GALK2: variants seen among roughly 807,000 people sequenced by gnomAD.
GALK2 encodes the protein N-acetylgalactosamine kinase.
A neutral mutation model predicts 52.4 loss-of-function variants in GALK2; 36 were observed. The ratio of observed to expected loss-of-function variants is 0.69; its 90% CI spans 0.53 to 0.91. GALK2 has a LOEUF of 0.91. GALK2 is among the 40% of genes least tolerant of loss of function. The pLI is 0.00. For missense variants in GALK2, 579 were observed against 559.1 expected, an observed-to-expected ratio of 1.04 and a Z score of -0.36; for synonymous variants, 176 against 199.1, an observed-to-expected ratio of 0.88 and a Z score of 0.98.
intron 2 of GALK2, among the ~76,000 whole-genome samples, chr15:49,203,150 G>A (rs573578830): frequency 3.3e-5 from 5 of 151,942 alleles, no homozygotes; most frequent in South Asian, 2.1e-4. Flanking sequence ...TCCTGGGTTC[G>A]AGCAATTCTC....
intron 3 of GALK2, among the ~76,000 whole-genome samples, chr15:49,352,472 G>A (rs1420486101): frequency 2.0e-5 from 3 of 152,116 alleles, no homozygotes; most frequent in African/African-American, 4.8e-5. Flanking sequence ...ATCCTTGTAG[G>A]GTATTGGTAG....
intron 2 of GALK2, among the ~76,000 whole-genome samples, chr15:49,216,853 C>A (rs1320685344): frequency 6.6e-6 from 1 of 152,218 alleles, no homozygotes; most frequent in Non-Finnish European, 1.5e-5. Flanking sequence ...GTTTCTCTGT[C>A]CATGCTGGAA....
Position 49,328,679 on chromosome 15 carries a change from T to A in GALK2, c.*520T>A. On this transcript the variant is annotated 3_prime_UTR_variant, in exon 10 of 10. Coordinates refer to ENST00000560031, the MANE Select transcript of GALK2 (RefSeq NM_002044.4). ...TCTCAATTTCAGCTTCGGAACGCTA[T>A]GAAAATAATACATGATTAAAGTTTC... 1 of 1,553,790 alleles carries A rather than the reference T, an allele frequency of 6.4e-7. No individual in the cohort carries two copies. The highest frequency in any genetic ancestry group is 2.4e-5 in the East Asian group (1 of 41,390).
chr15:49,170,243 T>G (rs1346200803), upstream of GALK2: 2 of 1,540,958 alleles, frequency 1.3e-6, no homozygotes, highest in South Asian at 1.2e-5. Flanking sequence ...AAACGGCTCC[T>G]GTCACAGAAG....
intron 3 of GALK2, among the ~76,000 whole-genome samples, chr15:49,341,922 G>T (rs2040789304): frequency 6.6e-6 from 1 of 152,024 alleles, no homozygotes; most frequent in South Asian, 2.1e-4. Context: ...TGGTTTTTTT[G>T]AATTTATCAA....
intron 3 of GALK2, among the ~76,000 whole-genome samples, chr15:49,360,388 A>T (rs1216681758): frequency 1.3e-5 from 2 of 152,230 alleles, no homozygotes; most frequent in Admixed American, 1.3e-4. Flanking sequence ...AGCAATACAG[A>T]TATGGCTTAT....
At chr15:49,188,002 G>A (rs535330907) in intron 1 of GALK2, among the ~76,000 whole-genome samples, 2 of 151,988 alleles carry the variant, frequency 1.3e-5, no homozygotes, top group Non-Finnish European at 2.9e-5. Context: ...CAAGCAGAAC[G>A]AGTCTCTTTC....
At chr15:49,258,147 A>C (rs1011584110) in intron 5 of GALK2, among the ~76,000 whole-genome samples, 1 of 152,122 alleles carries the variant, frequency 6.6e-6, no homozygotes, top group African/African-American at 2.4e-5. Context: ...TTAATAACAT[A>C]TCTATTTTGT....
chr15:49,342,566 A>G (rs2040895720), intron 3 of GALK2, among the ~76,000 whole-genome samples: 1 of 152,174 alleles, frequency 6.6e-6, no homozygotes, highest in South Asian at 2.1e-4. Context: ...CTTTGGTGCT[A>G]TCGTGAAGTT....
At chr15:49,326,744 T>A (rs1407876722) in intron 9 of GALK2, among the ~76,000 whole-genome samples, 9 of 151,992 alleles carry the variant, frequency 5.9e-5, no homozygotes, top group Non-Finnish European at 2.9e-5. Context: ...TTTGTAAGCA[T>A]TTTTTTTCTT....
chr15:49,176,097 T>C (rs1022752417), intron 1 of GALK2, among the ~76,000 whole-genome samples: 6 of 152,270 alleles, frequency 3.9e-5, no homozygotes, highest in Admixed American at 2.0e-4. Flanking sequence ...CAATGTGAGA[T>C]ATGCAAAGAT....
chr15:49,186,321 C>T (rs2086335985), intron 1 of GALK2, among the ~76,000 whole-genome samples: 1 of 151,704 alleles, frequency 6.6e-6, no homozygotes, highest in Non-Finnish European at 1.5e-5. Context: ...CTTTTGTGTC[C>T]TCTCACTGTG....
chr15:49,201,325 T>A lies in GALK2; in HGVS notation c.142+75T>A, dbSNP rs1403739273. On this transcript the variant is annotated intron_variant, in intron 2 of 9. Transcript: ENST00000560031. ...ATCTAAATTTTTAAAAATATATTTCTTTCTTAATTTTTCCCAAAATAGAAT... is the reference window on the plus strand; with the variant it reads ...ATCTAAATTTTTAAAAATATATTTCATTCTTAATTTTTCCCAAAATAGAAT... The A allele has an allele frequency of 1.1e-5, 8 of 753,584 alleles. No homozygotes were observed. In the Admixed American group the frequency reaches 1.9e-4, roughly 18 times the overall value. The allele number at this position is 753,584 out of a possible 1,614,324, so 46.7% of individuals were successfully genotyped here.
downstream of GALK2, among the ~76,000 whole-genome samples, chr15:49,333,856 T>C (rs2039243419): frequency 6.6e-6 from 1 of 152,210 alleles, no homozygotes; most frequent in Non-Finnish European, 1.5e-5. Flanking sequence ...GCCCAATTTT[T>C]CTTGCTTCAT....
In GALK2 at chr15:49,156,614, G is replaced by C. The variant is rs114832326; in HGVS notation, c.20+598G>C. 3 of 521,958 alleles carry C rather than the reference G, an allele frequency of 5.7e-6. No homozygotes were observed. The Admixed American group carries it at 6.4e-5, about 11-fold the overall frequency. 32.3% of individuals were successfully genotyped at this position (521,958 alleles called of 1,614,324 possible). ...GCCAAAGAAATTCAGATTGCCGAAA[G>C]GCCATCACTTTGATATGATAAATAT... On this transcript the variant is annotated intron_variant, in intron 1 of 9. Transcript: ENST00000327171.
At chr15:49,304,349 T>C (rs2035367921) in intron 8 of GALK2, among the ~76,000 whole-genome samples, 1 of 152,226 alleles carries the variant, frequency 6.6e-6, no homozygotes, top group African/African-American at 2.4e-5. Flanking sequence ...TCTCAGTGGC[T>C]TGACCAAGCA....
intron 8 of GALK2, among the ~76,000 whole-genome samples, chr15:49,300,237 T>C (rs1331869065): frequency 6.6e-6 from 1 of 152,064 alleles, no homozygotes; most frequent in Non-Finnish European, 1.5e-5. Context: ...AAATCTGTTT[T>C]GTCTGAAATA....
intron 1 of GALK2, chr15:49,156,313 C>A: frequency 2.3e-6 from 1 of 430,708 alleles, no homozygotes. Context: ...CTGAGGGCAT[C>A]ATGTTGTAAG....
At position 49,217,178 on chromosome 15, in the gene GALK2, T is replaced by C. The variant is rs761022371; in HGVS notation, c.143-12T>C. ...ATTAGCAATGATTAAAAAAGCTTTCTCTTTTTTCTAGGAGAGCATATAGAT... is the reference window on the plus strand; with the variant it reads ...ATTAGCAATGATTAAAAAAGCTTTCCCTTTTTTCTAGGAGAGCATATAGAT... On this transcript the variant is annotated splice_polypyrimidine_tract_variant and intron_variant, in intron 2 of 9. Coordinates refer to ENST00000560031, the MANE Select transcript of GALK2 (RefSeq NM_002044.4). The C allele has an allele frequency of 2.7e-5, 43 of 1,601,164 alleles. No individual in the cohort carries two copies. The highest frequency in any genetic ancestry group is 3.6e-5 in the Non-Finnish European group (42 of 1,172,394).
Sources: allele counts gnomAD v4.1 joint callset (sites outside exome capture counted in the v4.1 genomes callset), GRCh38; gene constraint gnomAD v4.1.1; transcripts MANE v1.5; gene names NCBI Gene and HGNC (gene_info 2026-07-23, HGNC 2026-07-21).